SGCZ: variants seen among roughly 807,000 people sequenced by gnomAD.
SGCZ encodes sarcoglycan zeta, also known as zeta-sarcoglycan.
Under a neutral mutation model 41.3 loss-of-function variants are expected in SGCZ, and 40 were observed. The ratio of observed to expected loss-of-function variants is 0.97; its 90% confidence interval spans 0.75 to 1.26. The LOEUF is 1.26. Among genes scored for constraint, SGCZ ranks in the 50% most tolerant of loss-of-function variants. SGCZ has a pLI of 0.00. For missense variants in SGCZ, 552 were observed against 369.8 expected (o/e 1.49, Z -4.04); for synonymous variants, 206 against 137.5 (o/e 1.50, Z -3.49).
At chr8:14,943,861 T>A (rs937250220) in intron 1 of SGCZ, among the ~76,000 whole-genome samples, 2 of 152,138 alleles carry the variant, frequency 1.3e-5, no homozygotes, top group African/African-American at 2.4e-5. Context: ...TTAGTTTCCT[T>A]AGGAAAGTGA....
chr8:14,595,400 AACACACACACACACAC>A (rs34287378), intron 1 of SGCZ, among the ~76,000 whole-genome samples: 7 of 136,316 alleles, frequency 5.1e-5, no homozygotes, highest in African/African-American at 8.4e-5. Context: ...AACATGCACA[AACACACACACACACAC>A]ACACACACAC....
At chr8:14,411,958 G>C (rs560991698) in intron 2 of SGCZ, among the ~76,000 whole-genome samples, 13 of 152,058 alleles carry the variant, frequency 8.5e-5, no homozygotes, top group Non-Finnish European at 1.8e-4. Context: ...GTAAACAGCT[G>C]GGAAGAGTAT....
At chr8:14,718,098 C>G (rs959302840) in intron 1 of SGCZ, among the ~76,000 whole-genome samples, 1 of 151,224 alleles carries the variant, frequency 6.6e-6, no homozygotes, top group African/African-American at 2.4e-5. Flanking sequence ...AAATGAATAA[C>G]TGTGACTCTC....
intron 1 of SGCZ, among the ~76,000 whole-genome samples, chr8:14,613,977 TA>T (rs1468435971): frequency 2.6e-5 from 4 of 152,224 alleles, no homozygotes; most frequent in African/African-American, 9.6e-5. Context: ...TTGATTTTTT[TA>T]GAAATTAAAT....
chr8:15,028,408 T>C (rs1803533333), intron 1 of SGCZ, among the ~76,000 whole-genome samples: 1 of 151,976 alleles, frequency 6.6e-6, no homozygotes, highest in Admixed American at 6.6e-5. Flanking sequence ...TAAGTTGAAG[T>C]CAGTTTCATA....
chr8:14,287,157 A>G (rs1041601024), intron 3 of SGCZ, among the ~76,000 whole-genome samples: 1 of 151,518 alleles, frequency 6.6e-6, no homozygotes, highest in Non-Finnish European at 1.5e-5. Flanking sequence ...AGCATATTAA[A>G]TTTTTGGTTG....
intron 1 of SGCZ, among the ~76,000 whole-genome samples, chr8:15,033,558 G>C (rs890666947): frequency 6.6e-6 from 1 of 152,022 alleles, no homozygotes; most frequent in African/African-American, 2.4e-5. Flanking sequence ...TTCCAGACAA[G>C]CTCCTGTACA....
chr8:15,058,213 G>T (rs1804786719), intron 1 of SGCZ, among the ~76,000 whole-genome samples: 2 of 151,862 alleles, frequency 1.3e-5, no homozygotes, highest in Admixed American at 1.3e-4. Context: ...TTTTTAAAAG[G>T]GGTGGAACCA....
At chr8:14,319,207 A>T (rs1385137175) in intron 3 of SGCZ, among the ~76,000 whole-genome samples, 1 of 151,920 alleles carries the variant, frequency 6.6e-6, no homozygotes, top group Admixed American at 6.6e-5. Context: ...CTCTGAAATG[A>T]AAAAAGTGAA....
intron 1 of SGCZ, among the ~76,000 whole-genome samples, chr8:15,132,385 A>C (rs945681924): frequency 2.0e-5 from 3 of 152,102 alleles, no homozygotes; most frequent in Non-Finnish European, 4.4e-5. Context: ...CTAACACCTC[A>C]ATCTCCCCTT....
intron 1 of SGCZ, among the ~76,000 whole-genome samples, chr8:15,069,169 G>C: frequency 6.6e-6 from 1 of 152,072 alleles, no homozygotes. Flanking sequence ...TGACAATACA[G>C]AGGTTTTTTT....
intron 3 of SGCZ, among the ~76,000 whole-genome samples, chr8:14,279,003 A>G (rs2117283548): frequency 6.6e-6 from 1 of 152,266 alleles, no homozygotes; most frequent in South Asian, 2.1e-4. Flanking sequence ...TTCCTGGTCT[A>G]GGAATTTAAT....
At chr8:14,772,670 C>T (rs1024455519) in intron 1 of SGCZ, among the ~76,000 whole-genome samples, 24 of 148,622 alleles carry the variant, frequency 1.6e-4, no homozygotes, top group Admixed American at 1.2e-3. Flanking sequence ...TGAGTGAGAA[C>T]ATGCGGTGTT....
chr8:14,719,250 T>C (rs1373867250), intron 1 of SGCZ, among the ~76,000 whole-genome samples: 6 of 148,408 alleles, frequency 4.0e-5, no homozygotes, highest in Non-Finnish European at 8.9e-5. Flanking sequence ...ATCCAGTCTA[T>C]CATGGTTGGA....
intron 1 of SGCZ, among the ~76,000 whole-genome samples, chr8:15,060,937 A>G (rs528204552): frequency 1.3e-5 from 2 of 152,174 alleles, no homozygotes; most frequent in African/African-American, 4.8e-5. Context: ...TAGAAGGTAC[A>G]GGGATCAGCC....
intron 1 of SGCZ, among the ~76,000 whole-genome samples, chr8:14,789,795 A>C (rs970927268): frequency 6.6e-6 from 1 of 152,102 alleles, no homozygotes; most frequent in African/African-American, 2.4e-5. Context: ...TTGTACTCTC[A>C]GTACAAAATA....
intron 1 of SGCZ, among the ~76,000 whole-genome samples, chr8:14,578,188 A>G (rs1196938124): frequency 6.6e-6 from 1 of 152,224 alleles, no homozygotes; most frequent in Non-Finnish European, 1.5e-5. Context: ...GAAATGGCAA[A>G]GCACTGATGA....
At chr8:14,861,757 C>A (rs796090895) in intron 1 of SGCZ, among the ~76,000 whole-genome samples, 2 of 151,876 alleles carry the variant, frequency 1.3e-5, no homozygotes, top group African/African-American at 2.4e-5. Context: ...TAGACTTGCA[C>A]GTGGTGTTGC....
chr8:15,216,510 G>A (rs1341261671), intron 1 of SGCZ, among the ~76,000 whole-genome samples: 1 of 151,960 alleles, frequency 6.6e-6, no homozygotes, highest in Non-Finnish European at 1.5e-5. Context: ...ATGAGCCACC[G>A]CACCTGGCCA....
Sources: allele counts gnomAD v4.1 joint callset (sites outside exome capture counted in the v4.1 genomes callset), GRCh38; gene constraint gnomAD v4.1.1; transcripts MANE v1.5; gene names NCBI Gene and HGNC (gene_info 2026-07-23, HGNC 2026-07-21).